Variants in VDAC1 observed in about 807,000 individuals in gnomAD.
VDAC1 encodes the protein non-selective voltage-gated ion channel VDAC1.
VDAC1 carries 10 observed loss-of-function variants against 34.7 expected under a neutral mutation model. That is an observed-to-expected ratio of 0.29 (90% CI 0.18 to 0.49). The LOEUF is 0.49. Ranked by LOEUF, VDAC1 falls within the 20% of genes least tolerant of loss-of-function variation. The pLI is 0.99. For synonymous variants in VDAC1, 130 were observed against 136.0 expected, an observed-to-expected ratio of 0.96 and a Z score of 0.30; for missense variants, 230 against 347.9, an observed-to-expected ratio of 0.66 and a Z score of 2.69.
the VDAC1 span, among the ~76,000 whole-genome samples, chr5:134,042,133 C>A: frequency 6.6e-6 from 1 of 152,172 alleles, no homozygotes; most frequent in East Asian, 1.9e-4. Flanking sequence ...CAAGGGGCAG[C>A]GTGGGAAGGT....
chr5:134,029,707 G>T, the VDAC1 span, among the ~76,000 whole-genome samples: 1 of 152,184 alleles, frequency 6.6e-6, no homozygotes, highest in African/African-American at 2.4e-5. Flanking sequence ...TTCTTGAAAT[G>T]ACAAAAGTAG....
At chr5:134,040,767 G>C in the VDAC1 span, among the ~76,000 whole-genome samples, 1 of 152,146 alleles carries the variant, frequency 6.6e-6, no homozygotes, top group African/African-American at 2.4e-5. Flanking sequence ...TTGATTCTGT[G>C]TCTCTCCAAA....
chr5:133,984,586 G>GGC (rs2126942047), intron 5 of VDAC1, among the ~76,000 whole-genome samples: 1 of 152,236 alleles, frequency 6.6e-6, no homozygotes, highest in Admixed American at 6.5e-5. Context: ...TGCCTGGCAA[G>GGC]AATAGCCTAA....
chr5:134,092,124 T>C, the VDAC1 span, among the ~76,000 whole-genome samples: 192 of 152,310 alleles, frequency 1.3e-3, 4 homozygotes, highest in South Asian at 0.038. Context: ...TTAACTCACA[T>C]AGTTACTAAG....
the VDAC1 span, among the ~76,000 whole-genome samples, chr5:134,088,829 C>T: frequency 1.3e-5 from 2 of 152,146 alleles, no homozygotes; most frequent in Non-Finnish European, 2.9e-5. Context: ...CAAGTTTTCC[C>T]CCAAGCTTAC....
chr5:133,990,880 C>T lies in VDAC1; in HGVS notation c.298G>A (p.Asp100Asn), dbSNP rs761426596. The T allele has an allele frequency of 1.3e-6, 2 of 1,564,892 alleles. No homozygotes were observed. Among genetic ancestry groups the T allele is most frequent in the African/African-American group, 1.4e-5 (1 of 73,676 alleles). The change falls in exon 5 of 9, where the codon GAT (aspartate) becomes AAT (asparagine). Residue 100 changes from aspartate to asparagine, a missense_variant. Transcript: ENST00000265333. ...QLARGLKLTFDSSFSPNTGKK... is the reference protein window; with the variant it reads ...QLARGLKLTFNSSFSPNTGKK... The stretch of plus-strand genomic sequence containing the variant: ...CCAGTGTTAGGTGAGAAGGATGAAT[C>T]GAAGGTCAGCTTCAGTCCACGTGCA...
chr5:134,079,123 C>T, the VDAC1 span, among the ~76,000 whole-genome samples: 1 of 151,732 alleles, frequency 6.6e-6, no homozygotes, highest in Admixed American at 6.6e-5. Flanking sequence ...CAGACACACA[C>T]ATGCCACCAT....
chr5:134,021,457 G>A, the VDAC1 span, among the ~76,000 whole-genome samples: 19 of 150,788 alleles, frequency 1.3e-4, no homozygotes, highest in Admixed American at 2.7e-4. Flanking sequence ...CTGTCCTCGT[G>A]ATAGTTTGCT....
chr5:133,997,907 T>C (rs1027369011), intron 1 of VDAC1, among the ~76,000 whole-genome samples: 3 of 151,106 alleles, frequency 2.0e-5, no homozygotes, highest in Non-Finnish European at 4.4e-5. Context: ...CTATTAAAAA[T>C]ACAAAATAAA....
the VDAC1 span, among the ~76,000 whole-genome samples, chr5:134,061,167 C>CTT: frequency 4.7e-5 from 6 of 127,092 alleles, no homozygotes; most frequent in African/African-American, 1.4e-4. Context: ...ATCTAGCCTC[C>CTT]TTTTTTTTTT....
At chr5:133,997,955 T>A (rs1753390590) in intron 1 of VDAC1, among the ~76,000 whole-genome samples, 1 of 151,672 alleles carries the variant, frequency 6.6e-6, no homozygotes, top group Non-Finnish European at 1.5e-5. Flanking sequence ...TAATCCCAGC[T>A]ACTCGGGAGG....
chr5:134,013,127 A>G, the VDAC1 span, among the ~76,000 whole-genome samples: 1 of 152,244 alleles, frequency 6.6e-6, no homozygotes, highest in Admixed American at 6.5e-5. Context: ...TAAGACTTCA[A>G]ACAATTAAAA....
intron 6 of VDAC1, among the ~76,000 whole-genome samples, chr5:133,978,327 G>A (rs186444515): frequency 6.8e-5 from 10 of 147,640 alleles, no homozygotes; most frequent in Admixed American, 2.6e-4. Flanking sequence ...CTTAGAGACA[G>A]AGTATTTCTA....
the VDAC1 span, among the ~76,000 whole-genome samples, chr5:134,040,143 A>T: frequency 3.3e-5 from 5 of 152,126 alleles, no homozygotes; most frequent in African/African-American, 9.7e-5. Context: ...TTCTAAAAGG[A>T]GCAATTGGCT....
At chr5:134,008,662 C>CAGAT (rs1753791225), upstream of VDAC1, among the ~76,000 whole-genome samples, 1 of 152,170 alleles carries the variant, frequency 6.6e-6, no homozygotes, top group African/African-American at 2.4e-5. Context: ...TTTTCAGAGC[C>CAGAT]AGATGTCCCT....
chr5:134,062,051 T>C, the VDAC1 span, among the ~76,000 whole-genome samples: 1 of 151,610 alleles, frequency 6.6e-6, no homozygotes, highest in Non-Finnish European at 1.5e-5. Context: ...TGATCTTGGC[T>C]CACTGCAGCC....
At chr5:134,094,513 C>T in the VDAC1 span, among the ~76,000 whole-genome samples, 15 of 151,972 alleles carry the variant, frequency 9.9e-5, no homozygotes, top group Non-Finnish European at 8.8e-5. Context: ...CTGGCTAACA[C>T]GATAAAACCC....
the VDAC1 span, among the ~76,000 whole-genome samples, chr5:134,078,081 A>G: frequency 6.6e-6 from 1 of 152,216 alleles, no homozygotes; most frequent in African/African-American, 2.4e-5. Context: ...AGGTTATGAA[A>G]GGCACAGAGA....
the VDAC1 span, among the ~76,000 whole-genome samples, chr5:134,048,150 A>G: frequency 1.3e-5 from 2 of 151,028 alleles, no homozygotes; most frequent in South Asian, 4.2e-4. Flanking sequence ...TCTATTTTTT[A>G]GTAGAGACGG....
Sources: gnomAD v4.1 joint callset for allele counts (sites outside exome capture counted in the v4.1 genomes callset) on GRCh38, gnomAD v4.1.1 for gene constraint, MANE v1.5 for transcripts, NCBI Gene and HGNC (gene_info 2026-07-23, HGNC 2026-07-21) for gene names.